Variants in PAXBP1 observed in about 807,000 individuals in gnomAD.
PAXBP1 encodes PAX3 and PAX7 binding protein 1.
PAXBP1 carries 44 observed loss-of-function variants against 119.9 expected under a neutral mutation model. The observed-to-expected ratio is 0.37, with a 90% CI of 0.29 to 0.47. PAXBP1 has a LOEUF of 0.47. Among genes scored for constraint, PAXBP1 ranks in the 20% least tolerant of loss-of-function variants. PAXBP1 has a pLI of 0.99. For synonymous variants in PAXBP1, 393 were observed against 406.6 expected (o/e 0.97, Z 0.40); for missense variants, 898 against 1,134.1 (o/e 0.79, Z 2.99).
At position 32,741,171 on chromosome 21, in the gene PAXBP1, G is replaced by C. The variant is rs542900592; in HGVS notation, c.2334+2077C>G. Among the ~76,000 whole-genome samples the C allele has an allele frequency of 4.6e-5, 7 of 152,278 alleles. No homozygotes were observed. The South Asian group carries it at 1.5e-3, about 32-fold the overall frequency. ...CCACTTCAGAAGACAGCTTTGCCCG[G>C]CTGTTTCACCCAAATGAAATGAAAC... On this transcript the variant is annotated intron_variant, in intron 15 of 17. Transcript: ENST00000331923.
intron 5 of PAXBP1, among the ~76,000 whole-genome samples, chr21:32,760,581 A>C (rs1029371157): frequency 6.6e-6 from 1 of 152,230 alleles, no homozygotes; most frequent in Non-Finnish European, 1.5e-5. Context: ...AGTCCAAAAA[A>C]ATAAGCTACA....
chr21:32,762,336 A>G lies in PAXBP1; in HGVS notation c.650-19T>C, dbSNP rs1346943285. The G allele has an allele frequency of 6.2e-7, 1 of 1,606,514 alleles. No homozygotes were observed. The highest frequency in any genetic ancestry group is 1.7e-5 in the Admixed American group (1 of 58,922). ...ATTTCTCCTAGAAACAAATGGTAAG[A>G]ATATGGCAGTATGAGAGATGCAAAG... On this transcript the variant is annotated intron_variant, in intron 3 of 17. Transcript: ENST00000331923.
intron 8 of PAXBP1, among the ~76,000 whole-genome samples, chr21:32,752,619 T>C (rs2833947): frequency 0.099 from 15,103 of 152,268 alleles, 813 homozygotes; most frequent in African/African-American, 0.11. Flanking sequence ...AATATCCTAA[T>C]TATCAGACCT....
chr21:32,771,361 C>G lies in PAXBP1; in HGVS notation c.308G>C (p.Arg103Pro). 6.3e-7 allele frequency: 1 copy of G among 1,584,580 alleles called. No individual in the cohort carries two copies. The highest frequency in any genetic ancestry group is 8.5e-7 in the Non-Finnish European group (1 of 1,173,214). The stretch of plus-strand genomic sequence containing the variant: ...GTCCTGGAAGCTGAGCAGGCTGGCC[C>G]GGGGCACCTCTTTGTTCTCGCGAGG... ...KRPRENKEVP[R>P]ASLLSFQDEE... Residue 103 changes from arginine (R) to proline (P), a missense_variant, in exon 1 of 18, where the codon CGG becomes CCG. By Grantham distance (103) the Arg-to-Pro change is moderately radical. Transcript: ENST00000331923.
At chr21:32,771,245 G>T in intron 1 of PAXBP1, 81 bp downstream of exon 1, 1 of 1,289,468 alleles carries the variant, frequency 7.8e-7, no homozygotes, top group Non-Finnish European at 1.0e-6. Flanking sequence ...GGGGCTGGGC[G>T]TCCAGAGAAT....
chr21:32,755,660 T>TA, intron 7 of PAXBP1: 1 of 201,132 alleles, frequency 5.0e-6, no homozygotes, highest in Non-Finnish European at 9.9e-6. Context: ...GCTTTTCCCT[T>TA]AGAGAATATT....
At chr21:32,745,079 G>A (rs1986496426) in intron 12 of PAXBP1, among the ~76,000 whole-genome samples, 166 bp from the exon 13 acceptor site, 1 of 152,160 alleles carries the variant, frequency 6.6e-6, no homozygotes, top group Non-Finnish European at 1.5e-5. Flanking sequence ...GAGGGATAGG[G>A]ATGTGGAGAG....
chr21:32,739,845 C>G lies in PAXBP1; in HGVS notation c.2335-1526G>C, dbSNP rs1012313144. Among the ~76,000 whole-genome samples the G allele has an allele frequency of 5.5e-5, 8 of 145,800 alleles. No individual in the cohort carries two copies. The South Asian group carries it at 1.5e-3, about 28-fold the overall frequency. On this transcript the variant is annotated intron_variant, in intron 15 of 17. Coordinates refer to ENST00000331923, the MANE Select transcript of PAXBP1 (RefSeq NM_016631.4). ...TATGGCTGGGCACAGTGGCTTATAC[C>G]TGTAATCCCAGTACTTTGGGAGGCC...
intron 15 of PAXBP1, among the ~76,000 whole-genome samples, chr21:32,739,697 G>A (rs1415270755): frequency 6.6e-6 from 1 of 151,696 alleles, no homozygotes; most frequent in Admixed American, 6.6e-5. Context: ...ACGAGGTCAG[G>A]AGATCGAGAC....
Position 32,734,924 on chromosome 21 carries a change from C to T in PAXBP1, c.*26G>A, listed in dbSNP as rs752157441. 28 of 1,545,954 alleles carry T rather than the reference C, an allele frequency of 1.8e-5. No individual in the cohort carries two copies. Among genetic ancestry groups the T allele is most frequent in the Non-Finnish European group, 2.3e-5 (26 of 1,118,876 alleles). On this transcript the variant is annotated 3_prime_UTR_variant, in exon 18 of 18. Coordinates refer to ENST00000331923, the MANE Select transcript of PAXBP1 (RefSeq NM_016631.4). ...TTACACATTGGGAATGGTAATCAAGCAAATAGGTTTTTCAGTCTCATAGAT... is the reference window on the plus strand; with the variant it reads ...TTACACATTGGGAATGGTAATCAAGTAAATAGGTTTTTCAGTCTCATAGAT...
At chr21:32,748,386 T>C (rs2043906921) in intron 11 of PAXBP1, 113 bp downstream of exon 11, 1 of 871,064 alleles carries the variant, frequency 1.1e-6, no homozygotes, top group South Asian at 1.8e-5. Flanking sequence ...TTATAGCCTA[T>C]GCCCTATCAC....
intron 4 of PAXBP1, among the ~76,000 whole-genome samples, chr21:32,761,771 T>C (rs1008504568): frequency 4.6e-5 from 7 of 151,696 alleles, no homozygotes; most frequent in Non-Finnish European, 8.8e-5. Context: ...GCATGGTGGC[T>C]CATGCCTGTA....
At chr21:32,746,434 G>C (rs181612405) in intron 11 of PAXBP1, among the ~76,000 whole-genome samples, 1 of 152,234 alleles carries the variant, frequency 6.6e-6, no homozygotes, top group Admixed American at 6.5e-5. Context: ...CCCATTAAAA[G>C]TGGGCAAAGG....
At chr21:32,755,952 T>A (rs796505596) in intron 7 of PAXBP1, 2 of 180,646 alleles carry the variant, frequency 1.1e-5, no homozygotes, top group African/African-American at 4.8e-5. Context: ...CTAGGGCGAA[T>A]AAAATTTCCA....
intron 8 of PAXBP1, among the ~76,000 whole-genome samples, chr21:32,753,304 AC>A: frequency 6.6e-6 from 1 of 152,062 alleles, no homozygotes; most frequent in East Asian, 1.9e-4. Flanking sequence ...TAAAAAAAAT[AC>A]AAAAATCAGC....
In PAXBP1 at chr21:32,737,220, C is replaced by T. The variant is rs748249291; in HGVS notation, c.2636+34G>A. The stretch of plus-strand genomic sequence containing the variant: ...AATACTAAATCTGGCAACTAAACAA[C>T]TCTAGATTACCATTTCATTAATTAC... On this transcript the variant is annotated intron_variant, in intron 17 of 17. Coordinates refer to ENST00000331923, the MANE Select transcript of PAXBP1 (RefSeq NM_016631.4). The T allele has an allele frequency of 2.1e-6, 3 of 1,451,108 alleles. No homozygotes were observed. The African/African-American group carries it at 4.3e-5, about 21-fold the overall frequency. 89.9% of individuals were successfully genotyped at this position (1,451,108 alleles called of 1,614,324 possible). A position where few individuals can be genotyped will look rare whatever the true frequency, so the allele number is the denominator to read the frequency against.
chr21:32,759,897 G>T lies in PAXBP1; in HGVS notation c.1073C>A (p.Thr358Lys), dbSNP rs763777209. The change falls in exon 6 of 18, where the codon ACG (threonine) becomes AAG (lysine). Residue 358 changes from threonine to lysine, a missense_variant. Thr to Lys is a moderately conservative substitution (Grantham distance 78). Around this residue, in one of 2 missense-constraint regions of PAXBP1, gnomAD observed 599 missense variants for 852.7 expected, o/e 0.70. Transcript: ENST00000331923. ...GSSYGIPYSY[T>K]AYGSSDAKSQ... is the part of the protein sequence containing the mutation. Reference sequence around the variant, plus strand: ...TTTGGCATCTGATGATCCATAGGCCGTATAACTATAAGGAATGCCATAGGA... The same window carrying T: ...TTTGGCATCTGATGATCCATAGGCCTTATAACTATAAGGAATGCCATAGGA... 15 of 1,613,310 alleles carry T rather than the reference G, an allele frequency of 9.3e-6. No individual in the cohort carries two copies. Among genetic ancestry groups the T allele is most frequent in the Non-Finnish European group, 1.1e-5 (13 of 1,179,396 alleles).
In PAXBP1 at chr21:32,759,893, G is replaced by C. The variant is rs774814037; in HGVS notation, c.1077C>G (p.Ala359=). The C allele has an allele frequency of 1.9e-6, 3 of 1,613,626 alleles. No individual in the cohort carries two copies. The highest frequency in any genetic ancestry group is 2.2e-5 in the East Asian group (1 of 44,886). The change falls in exon 6 of 18, where the codon GCC becomes GCG. Residue 359 remains alanine, a synonymous_variant. Transcript: ENST00000331923. ...GAGATTTGGCATCTGATGATCCATAGGCCGTATAACTATAAGGAATGCCAT... is the reference window on the plus strand; with the variant it reads ...GAGATTTGGCATCTGATGATCCATACGCCGTATAACTATAAGGAATGCCAT... The part of the protein sequence containing the change: ...SSYGIPYSYT[A]YGSSDAKSQK...
chr21:32,742,684 G>C (rs2043805199), intron 15 of PAXBP1: 1 of 209,164 alleles, frequency 4.8e-6, no homozygotes, highest in African/African-American at 2.4e-5. Flanking sequence ...AAGAGTATCT[G>C]CTACAGCAGT....
Sources: allele counts gnomAD v4.1 joint callset (sites outside exome capture counted in the v4.1 genomes callset), GRCh38; gene constraint gnomAD v4.1.1; regional missense constraint gnomAD v4.1.1; transcripts MANE v1.5; gene names NCBI Gene and HGNC (gene_info 2026-07-23, HGNC 2026-07-21).